Variants in PPP1R13B observed in about 807,000 individuals in gnomAD.
PPP1R13B encodes protein phosphatase 1 regulatory subunit 13B.
A neutral mutation model predicts 119.8 loss-of-function variants in PPP1R13B; 44 were observed. The observed-to-expected ratio is 0.37, with a 90% CI of 0.29 to 0.47. PPP1R13B has a LOEUF of 0.47. Among genes scored for constraint, PPP1R13B ranks in the 20% least tolerant of loss-of-function variants. The pLI, the probability that PPP1R13B is intolerant of heterozygous loss-of-function variation, is 0.99. For missense variants in PPP1R13B, 1,227 were observed against 1,413.5 expected, an observed-to-expected ratio of 0.87 and a Z score of 2.12; for synonymous variants, 542 against 561.5, an observed-to-expected ratio of 0.97 and a Z score of 0.49.
intron 4 of PPP1R13B, among the ~76,000 whole-genome samples, chr14:103,766,742 G>T (rs942234393): frequency 2.6e-5 from 4 of 152,048 alleles, no homozygotes; most frequent in Non-Finnish European, 5.9e-5. Flanking sequence ...CAAGTAGCTG[G>T]CACTACAAGT....
At chr14:103,825,101 C>T (rs1395615007) in intron 1 of PPP1R13B, among the ~76,000 whole-genome samples, 2 of 152,142 alleles carry the variant, frequency 1.3e-5, no homozygotes, top group African/African-American at 2.4e-5. Flanking sequence ...GATCTGTGAT[C>T]AGTGGTCTTT....
intron 1 of PPP1R13B, among the ~76,000 whole-genome samples, chr14:103,837,554 C>G (rs2086806419): frequency 6.6e-6 from 1 of 152,134 alleles, no homozygotes; most frequent in South Asian, 2.1e-4. Context: ...CTTACATGTG[C>G]ATGCACGCAA....
chr14:103,848,292 G>T, upstream of PPP1R13B: 1 of 985,440 alleles, frequency 1.0e-6, no homozygotes, highest in East Asian at 1.1e-4. Context: ...ATCCCTCGAG[G>T]TCCAGCTCCA....
At chr14:103,735,333 G>T in intron 16 of PPP1R13B, 138 bp from the exon 17 acceptor site, 1 of 787,740 alleles carries the variant, frequency 1.3e-6, no homozygotes. Flanking sequence ...ACGCTCAGCT[G>T]CACCTCTACA....
Position 103,737,699 on chromosome 14 carries a change from A to G in PPP1R13B, c.3026T>C (p.Leu1009Pro). Reference protein sequence around the residue: ...EEGYIQCSQFLYGVQEKLGVM... With the variant: ...EEGYIQCSQFPYGVQEKLGVM... Reference sequence around the variant, plus strand: ...CCCAGGCCTCCCCTGCGTACCATATAGAAACTGGGAGCACTGGATGTAGCC... The same window carrying G: ...CCCAGGCCTCCCCTGCGTACCATATGGAAACTGGGAGCACTGGATGTAGCC... The change falls in exon 15 of 17, where the codon CTA becomes CCA. Residue 1009 changes from leucine to proline, a missense_variant. Physicochemically the swap from Leu to Pro is moderately conservative, Grantham distance 98. Transcript: ENST00000202556. 1 of 1,614,132 alleles carries G rather than the reference A, an allele frequency of 6.2e-7. No individual in the cohort carries two copies. Among genetic ancestry groups the G allele is most frequent in the Non-Finnish European group, 8.5e-7 (1 of 1,179,982 alleles).
At chr14:103,786,765 T>TAAAA (rs1244887341) in intron 2 of PPP1R13B, among the ~76,000 whole-genome samples, 1 of 26,516 alleles carries the variant, frequency 3.8e-5, no homozygotes, top group African/African-American at 2.5e-4. Flanking sequence ...AAACTCTGTC[T>TAAAA]CAAAAAAAAA....
intron 1 of PPP1R13B, among the ~76,000 whole-genome samples, chr14:103,837,499 A>G (rs925047676): frequency 2.0e-5 from 3 of 149,198 alleles, no homozygotes; most frequent in Admixed American, 2.0e-4. Context: ...AATTCCAGCT[A>G]TCTCCCTCCC....
chr14:103,836,771 GAAAAGAAAAAAAAA>G (rs2086789480), intron 1 of PPP1R13B, among the ~76,000 whole-genome samples: 1 of 74,928 alleles, frequency 1.3e-5, no homozygotes, highest in Non-Finnish European at 2.6e-5. Context: ...GTCTGTCTCA[GAAAAGAAAAAAAAA>G]AAAAAAAAAT....
chr14:103,739,969 G>A lies in PPP1R13B; in HGVS notation c.2447C>T (p.Pro816Leu), dbSNP rs200606453. ...CPQTTHQTAE[P>L]AEDNNNNVAT... ...CACGTTGTTGTTATTGTCCTCTGCC[G>A]GCTCGGCAGTTTGGTGGGTGGTTTG... The change falls in exon 12 of 17, where the codon CCG becomes CTG. Residue 816 changes from proline to leucine, a missense_variant. Pro to Leu is a moderately conservative substitution (Grantham distance 98). Coordinates refer to ENST00000202556, the MANE Select transcript of PPP1R13B (RefSeq NM_015316.3). 3.9e-5 allele frequency: 63 copies of A among 1,614,010 alleles called. No individual in the cohort carries two copies. The highest frequency in any genetic ancestry group is 2.1e-4 in the African/African-American group (16 of 74,944).
chr14:103,735,294 G>T, intron 16 of PPP1R13B, 99 bp from the exon 17 acceptor site: 1 of 1,130,762 alleles, frequency 8.8e-7, no homozygotes, highest in Non-Finnish European at 1.3e-6. Flanking sequence ...ACCCTGGACA[G>T]CCGTGCAGCA....
At chr14:103,744,302 G>C (rs1025513183) in intron 9 of PPP1R13B, among the ~76,000 whole-genome samples, 1 of 152,162 alleles carries the variant, frequency 6.6e-6, no homozygotes, top group Non-Finnish European at 1.5e-5. Flanking sequence ...AAAACTAAAA[G>C]CCTCATAATA....
At chr14:103,749,987 T>G (rs565972689) in intron 7 of PPP1R13B, 53 bp from the exon 8 acceptor site, 2 of 1,583,588 alleles carry the variant, frequency 1.3e-6, no homozygotes, top group South Asian at 2.3e-5. Flanking sequence ...AAAGTCAAAT[T>G]CTCATTGCCA....
chr14:103,748,596 T>C (rs1057086651), intron 8 of PPP1R13B, among the ~76,000 whole-genome samples: 2 of 152,230 alleles, frequency 1.3e-5, no homozygotes, highest in Non-Finnish European at 2.9e-5. Context: ...GAGGGCAGAA[T>C]GCACTCAGCT....
chr14:103,759,741 A>G lies in PPP1R13B; in HGVS notation c.355-1990T>C, dbSNP rs1256644300. Among the ~76,000 whole-genome samples, 7 of 152,294 alleles carry G rather than the reference A, an allele frequency of 4.6e-5. No homozygotes were observed. The South Asian group carries it at 1.2e-3, about 27-fold the overall frequency. On this transcript the variant is annotated intron_variant, in intron 4 of 16. Transcript: ENST00000202556. Reference sequence around the variant, plus strand: ...TCTGGTCTCCCCCACCAAAGGCTTCACAAAACAATGAAAAGAGGATAGAAG... The same window carrying G: ...TCTGGTCTCCCCCACCAAAGGCTTCGCAAAACAATGAAAAGAGGATAGAAG...
intron 1 of PPP1R13B, among the ~76,000 whole-genome samples, chr14:103,810,726 G>A (rs1270965001): frequency 1.3e-5 from 2 of 151,438 alleles, no homozygotes; most frequent in South Asian, 2.1e-4. Flanking sequence ...AGCCGAGATC[G>A]CACCACTGCA....
At chr14:103,823,155 G>A (rs565310689) in intron 1 of PPP1R13B, among the ~76,000 whole-genome samples, 239 of 152,090 alleles carry the variant, frequency 1.6e-3, no homozygotes, top group Middle Eastern at 0.014. Flanking sequence ...TGGGTAACAC[G>A]GTGAAACCCT....
Position 103,734,794 on chromosome 14 carries a change from A to AG in PPP1R13B, c.*359dup, listed in dbSNP as rs775609104. 5.6e-5 allele frequency: 26 copies of AG among 460,788 alleles called. No homozygotes were observed. Among genetic ancestry groups the AG allele is most frequent in the Non-Finnish European group, 9.9e-5 (23 of 232,586 alleles). 28.5% of individuals were successfully genotyped at this position (460,788 alleles called of 1,614,324 possible). On this transcript the variant is annotated 3_prime_UTR_variant, in exon 17 of 17. Transcript: ENST00000202556. ...AGCGGCGGACAGTGTTCACTGCTGG[A>AG]GGGGGTGATGGCCTCGGGGCCAAGT...
intron 4 of PPP1R13B, among the ~76,000 whole-genome samples, chr14:103,761,198 T>C (rs769302166): frequency 6.9e-6 from 1 of 145,684 alleles, no homozygotes; most frequent in Non-Finnish European, 1.5e-5. Flanking sequence ...CGCTTGAGCC[T>C]GGGAGGTTGA....
chr14:103,748,908 GTGAGAC>G (rs1202451157), intron 8 of PPP1R13B, among the ~76,000 whole-genome samples: 1 of 152,232 alleles, frequency 6.6e-6, no homozygotes, highest in African/African-American at 2.4e-5. Flanking sequence ...AAGGTGAGCA[GTGAGAC>G]TAGTGTAATT....
Sources: gnomAD v4.1 joint callset for allele counts (sites outside exome capture counted in the v4.1 genomes callset) on GRCh38, gnomAD v4.1.1 for gene constraint, MANE v1.5 for transcripts, NCBI Gene and HGNC (gene_info 2026-07-23, HGNC 2026-07-21) for gene names.